Variants in DAB1 observed in about 807,000 individuals in gnomAD.
DAB1 encodes disabled homolog 1.
Under a neutral mutation model 64.6 loss-of-function variants are expected in DAB1, and 15 were observed. The observed-to-expected ratio is 0.23, with a 90% CI of 0.16 to 0.36. DAB1 has a LOEUF of 0.36. Ranked by LOEUF, DAB1 falls within the 10% of genes least tolerant of loss-of-function variation. The probability of loss-of-function intolerance (pLI) is 1.00; values close to 1 mark genes in which losing one functional copy is unlikely to be tolerated. For synonymous variants in DAB1, 235 were observed against 251.9 expected, an observed-to-expected ratio of 0.93 and a Z score of 0.64; for missense variants, 596 against 706.7, an observed-to-expected ratio of 0.84 and a Z score of 1.78.
intron 4 of DAB1, among the ~76,000 whole-genome samples, chr1:58,324,383 G>C (rs568815043): frequency 6.6e-6 from 1 of 152,060 alleles, no homozygotes; most frequent in Non-Finnish European, 1.5e-5. Flanking sequence ...TCAGCTCTTC[G>C]AGTTTTTCTC....
intron 5 of DAB1, among the ~76,000 whole-genome samples, chr1:57,913,395 A>G (rs1192778898): frequency 6.6e-6 from 1 of 152,240 alleles, no homozygotes; most frequent in Non-Finnish European, 1.5e-5. Context: ...AGCCATATGT[A>G]GAAAGCTGCA....
At chr1:58,517,448 A>G (rs569527759) in intron 2 of DAB1, among the ~76,000 whole-genome samples, 16 of 152,250 alleles carry the variant, frequency 1.1e-4, no homozygotes, top group Admixed American at 7.8e-4. Flanking sequence ...GATAATTACT[A>G]TTTATCTTTC....
intron 3 of DAB1, among the ~76,000 whole-genome samples, chr1:58,381,587 A>G (rs1434874868): frequency 1.3e-5 from 2 of 152,204 alleles, no homozygotes; most frequent in African/African-American, 4.8e-5. Context: ...AGATATAGAA[A>G]TGGTGAAATG....
intron 7 of DAB1, among the ~76,000 whole-genome samples, chr1:57,591,104 C>T (rs753712302): frequency 2.6e-5 from 4 of 152,104 alleles, no homozygotes; most frequent in Admixed American, 1.3e-4. Context: ...AAAATGCCAG[C>T]GTCCCTTGAA....
chr1:57,176,028 T>C (rs11802124), intron 2 of DAB1, among the ~76,000 whole-genome samples: 1,571 of 152,238 alleles, frequency 0.01, 28 homozygotes, highest in African/African-American at 0.036. Context: ...TGACCCTTTC[T>C]AAAGCAAAGC....
intron 5 of DAB1, among the ~76,000 whole-genome samples, chr1:58,027,198 A>G (rs1288315199): frequency 6.6e-6 from 1 of 152,170 alleles, no homozygotes; most frequent in Non-Finnish European, 1.5e-5. Flanking sequence ...AAGGAAGACA[A>G]TATTATGAGG....
intron 2 of DAB1, among the ~76,000 whole-genome samples, chr1:57,211,121 T>A (rs1057232552): frequency 5.9e-5 from 9 of 152,218 alleles, no homozygotes; most frequent in African/African-American, 2.2e-4. Flanking sequence ...TATACATCTT[T>A]AAAATTCTCA....
In DAB1 at chr1:58,352,497, G is replaced by A. The variant is rs1644067866; in HGVS notation, n.258-9094C>T. On this transcript the variant is annotated intron_variant and non_coding_transcript_variant, in intron 3 of 20. Coordinates refer to the DAB1 transcript ENST00000485760. ...GTAGAGAAAGGGACCACCATTTAGG[G>A]ATGAGTAAAGTTTAGAGATTTGATC... 2.0e-5 allele frequency among the ~76,000 whole-genome samples: 3 copies of A among 152,212 alleles called. No homozygotes were observed. The South Asian group carries it at 6.2e-4, about 32-fold the overall frequency.
At chr1:58,356,019 C>T (rs1644107952) in intron 3 of DAB1, among the ~76,000 whole-genome samples, 1 of 152,162 alleles carries the variant, frequency 6.6e-6, no homozygotes, top group South Asian at 2.1e-4. Context: ...AGTACTCCTC[C>T]CAAGCGAACA....
At chr1:57,342,145 T>C (rs1677642419) in intron 1 of DAB1, among the ~76,000 whole-genome samples, 1 of 152,198 alleles carries the variant, frequency 6.6e-6, no homozygotes, top group Non-Finnish European at 1.5e-5. Context: ...ATGAACCTTG[T>C]TCCTTCTCAC....
intron 4 of DAB1, among the ~76,000 whole-genome samples, chr1:57,085,586 G>T (rs1255908848): frequency 6.6e-6 from 1 of 152,242 alleles, no homozygotes; most frequent in Non-Finnish European, 1.5e-5. Flanking sequence ...GCAGAGAAGG[G>T]AGGTCAGGTG....
chr1:58,391,513 T>G (rs117791732), intron 3 of DAB1, among the ~76,000 whole-genome samples: 1 of 152,360 alleles, frequency 6.6e-6, no homozygotes, highest in East Asian at 1.9e-4. Flanking sequence ...AGGACTTGAA[T>G]TCGGGCCTCC....
At chr1:57,306,345 T>C (rs1674169601) in intron 1 of DAB1, among the ~76,000 whole-genome samples, 1 of 152,192 alleles carries the variant, frequency 6.6e-6, no homozygotes, top group Non-Finnish European at 1.5e-5. Context: ...TTCTCTTGCA[T>C]CTTCCTTTGC....
chr1:58,268,702 C>G (rs747174661), intron 4 of DAB1, among the ~76,000 whole-genome samples: 6 of 152,086 alleles, frequency 3.9e-5, no homozygotes, highest in African/African-American at 1.4e-4. Flanking sequence ...CCCAGAGCAA[C>G]CTACAGATTT....
intron 7 of DAB1, among the ~76,000 whole-genome samples, chr1:57,496,998 C>A (rs1432824011): frequency 6.6e-6 from 1 of 152,212 alleles, no homozygotes; most frequent in Non-Finnish European, 1.5e-5. Flanking sequence ...CTTTCAGCTG[C>A]CCCTCAAACA....
chr1:58,309,302 C>T (rs1662376401), intron 4 of DAB1, among the ~76,000 whole-genome samples: 1 of 152,118 alleles, frequency 6.6e-6, no homozygotes, highest in South Asian at 2.1e-4. Context: ...CTTTCGGAGC[C>T]TCAAATGTTT....
chr1:57,803,855 T>C (rs1651242835), intron 6 of DAB1, among the ~76,000 whole-genome samples: 1 of 152,228 alleles, frequency 6.6e-6, no homozygotes, highest in Non-Finnish European at 1.5e-5. Context: ...TTTTCCTAGC[T>C]CAGTGTTTTT....
At chr1:57,458,901 T>C (rs868198590) in intron 7 of DAB1, among the ~76,000 whole-genome samples, 3 of 152,090 alleles carry the variant, frequency 2.0e-5, no homozygotes, top group African/African-American at 4.8e-5. Flanking sequence ...CTTTTGCCTC[T>C]GAAGAGTGGA....
At chr1:57,020,524 G>A (rs1646580257) in intron 11 of DAB1, among the ~76,000 whole-genome samples, 1 of 151,940 alleles carries the variant, frequency 6.6e-6, no homozygotes, top group East Asian at 1.9e-4. Context: ...ACATTCTCCA[G>A]GCCACCCATT....
Sources: gnomAD v4.1 joint callset for allele counts (sites outside exome capture counted in the v4.1 genomes callset) on GRCh38, gnomAD v4.1.1 for gene constraint, MANE v1.5 for transcripts, NCBI Gene and HGNC (gene_info 2026-07-23, HGNC 2026-07-21) for gene names.